Variants in ZBTB20 observed in about 807,000 individuals in gnomAD.
The protein encoded by ZBTB20 is zinc finger and BTB domain-containing protein 20.
In ZBTB20, 9 loss-of-function variants were observed where a neutral mutation model predicts 56.9. The ratio of observed to expected loss-of-function variants is 0.16; its 90% CI spans 0.10 to 0.28. The LOEUF (loss-of-function observed/expected upper bound fraction) is 0.28, where lower values mean the gene tolerates loss of function less well. Among genes scored for constraint, ZBTB20 ranks in the 10% least tolerant of loss-of-function variants. The pLI, the probability that ZBTB20 is intolerant of heterozygous loss-of-function variation, is 1.00. For synonymous variants in ZBTB20, 417 were observed against 420.7 expected (o/e 0.99, Z 0.11); for missense variants, 655 against 1,003.0 (o/e 0.65, Z 4.69).
At chr3:114,917,994 T>C (rs1486289126) in intron 3 of ZBTB20, among the ~76,000 whole-genome samples, 1 of 152,136 alleles carries the variant, frequency 6.6e-6, no homozygotes, top group Non-Finnish European at 1.5e-5. Context: ...CCCAGATGGT[T>C]CCAGAGAGGC....
At chr3:114,544,445 CTTTCTTTCTTTCT>C (rs2049547018) in intron 6 of ZBTB20, among the ~76,000 whole-genome samples, 1 of 106,174 alleles carries the variant, frequency 9.4e-6, no homozygotes, top group Non-Finnish European at 2.0e-5. Flanking sequence ...TTCTTTCTTT[CTTTCTTTCTTTCT>C]TTCTTTCTTT....
intron 11 of ZBTB20, among the ~76,000 whole-genome samples, chr3:114,344,627 C>A (rs1037880167): frequency 3.9e-5 from 6 of 152,202 alleles, no homozygotes; most frequent in Non-Finnish European, 8.8e-5. Flanking sequence ...AGTTACAGAA[C>A]TTAGCCAAAG....
chr3:114,758,486 C>G (rs557320321), intron 5 of ZBTB20, among the ~76,000 whole-genome samples: 1 of 152,188 alleles, frequency 6.6e-6, no homozygotes, highest in East Asian at 1.9e-4. Flanking sequence ...ACAGTGTTTA[C>G]TTTTAAAAAT....
intron 1 of ZBTB20, among the ~76,000 whole-genome samples, chr3:115,119,206 T>C (rs1342371385): frequency 6.6e-6 from 1 of 152,174 alleles, no homozygotes; most frequent in African/African-American, 2.4e-5. Context: ...TGTTTCTTAC[T>C]AATTAGAAAG....
At chr3:114,970,340 G>A (rs1412514766) in intron 3 of ZBTB20, among the ~76,000 whole-genome samples, 1 of 152,078 alleles carries the variant, frequency 6.6e-6, no homozygotes, top group Non-Finnish European at 1.5e-5. Flanking sequence ...CTTCATTAGA[G>A]GAATAAAAAA....
At chr3:114,517,113 C>T (rs2046092279) in intron 6 of ZBTB20, among the ~76,000 whole-genome samples, 1 of 152,208 alleles carries the variant, frequency 6.6e-6, no homozygotes, top group Admixed American at 6.5e-5. Flanking sequence ...CACGTTACTG[C>T]ATTTTTTGTT....
At chr3:114,822,393 AT>A (rs34666619) in intron 4 of ZBTB20, among the ~76,000 whole-genome samples, 101,847 of 151,944 alleles carry the variant, frequency 0.67, 39,424 homozygotes, top group East Asian at 0.96. Flanking sequence ...CAATTAGGTC[AT>A]TAAAAAAACA....
At chr3:114,612,338 C>G (rs1024489594) in intron 6 of ZBTB20, among the ~76,000 whole-genome samples, 44 of 152,120 alleles carry the variant, frequency 2.9e-4, no homozygotes, top group African/African-American at 1.1e-3. Context: ...GATCTAATTA[C>G]TAGTCTCTGC....
intron 5 of ZBTB20, among the ~76,000 whole-genome samples, chr3:114,764,851 C>T (rs1032711896): frequency 6.6e-6 from 1 of 152,082 alleles, no homozygotes; most frequent in Non-Finnish European, 1.5e-5. Context: ...AAATAGAGCC[C>T]TTGGGAAATG....
intron 6 of ZBTB20, among the ~76,000 whole-genome samples, chr3:114,664,604 AACACACACACAC>A (rs377253945): frequency 6.7e-6 from 1 of 149,124 alleles, no homozygotes; most frequent in South Asian, 2.1e-4. Flanking sequence ...CCACCTCCCC[AACACACACACAC>A]ACACACACAC....
rs1183839992 is a variant in ZBTB20 at position 114,323,193 on chromosome 3, A to T, written c.*15812T>A. The T allele has an allele frequency of 6.6e-6, 1 of 152,248 alleles. No homozygotes were observed. Among genetic ancestry groups the T allele is most frequent in the Non-Finnish European group, 1.5e-5 (1 of 68,050 alleles). 9.4% of individuals were successfully genotyped at this position (152,248 alleles called of 1,614,324 possible). On this transcript the variant is annotated 3_prime_UTR_variant, in exon 12 of 12. Transcript: ENST00000675478. ...GATAATAAAAATAAATTTAACAAAG[A>T]AAAGTTAGGAAAAAACCAATTTCAA...
intron 7 of ZBTB20, among the ~76,000 whole-genome samples, chr3:114,391,982 A>G (rs1196943719): frequency 1.1e-4 from 17 of 152,238 alleles, no homozygotes; most frequent in Admixed American, 1.1e-3. Flanking sequence ...GTGTTCCAAA[A>G]TATAACAAAT....
chr3:114,381,023 C>A (rs1017642924), intron 8 of ZBTB20, 83 bp from the exon 9 acceptor site: 2 of 325,810 alleles, frequency 6.1e-6, no homozygotes, highest in Non-Finnish European at 5.6e-6. Flanking sequence ...CATTAAGGAA[C>A]ATTCAACTTT....
intron 6 of ZBTB20, among the ~76,000 whole-genome samples, chr3:114,535,785 TTA>T (rs2048392717): frequency 6.6e-6 from 1 of 152,190 alleles, no homozygotes; most frequent in Non-Finnish European, 1.5e-5. Flanking sequence ...AGCAAAAAGC[TTA>T]TCCACCACGA....
At position 114,887,926 on chromosome 3, in the gene ZBTB20, G is replaced by T. The variant is rs117338840; in HGVS notation, c.-417+12378C>A. 3.9e-5 allele frequency among the ~76,000 whole-genome samples: 6 copies of T among 152,128 alleles called. No individual in the cohort carries two copies. In the East Asian group the frequency reaches 1.2e-3, roughly 29 times the overall value. On this transcript the variant is annotated intron_variant, in intron 4 of 11. Coordinates refer to ENST00000675478, the MANE Select transcript of ZBTB20 (RefSeq NM_001348800.3). ...AATCAATGAGAAAACTTAAGAGGTT[G>T]CAGTGATGGTTTCTGGTAGTAGTAA... is the stretch of plus-strand genomic sequence containing the variant.
intron 6 of ZBTB20, among the ~76,000 whole-genome samples, chr3:114,667,122 T>G (rs1272533544): frequency 6.6e-6 from 1 of 152,030 alleles, no homozygotes; most frequent in Non-Finnish European, 1.5e-5. Flanking sequence ...TGCAATTTCT[T>G]TGAATTTCTG....
intron 6 of ZBTB20, among the ~76,000 whole-genome samples, chr3:114,543,602 T>A (rs182033201): frequency 1.3e-5 from 2 of 152,196 alleles, no homozygotes; most frequent in Non-Finnish European, 2.9e-5. Context: ...TTGGCTACTA[T>A]AAACTCTATT....
intron 6 of ZBTB20, among the ~76,000 whole-genome samples, chr3:114,605,977 G>C (rs1312207998): frequency 6.6e-6 from 1 of 152,156 alleles, no homozygotes; most frequent in East Asian, 1.9e-4. Flanking sequence ...CTTTAGATAA[G>C]GTGATAAGGG....
chr3:115,059,935 T>C (rs1560535628), intron 2 of ZBTB20, among the ~76,000 whole-genome samples: 1 of 152,198 alleles, frequency 6.6e-6, no homozygotes, highest in African/African-American at 2.4e-5. Flanking sequence ...TGAAATAAAA[T>C]ACAGGAATTG....
Sources: gnomAD v4.1 joint callset for allele counts (sites outside exome capture counted in the v4.1 genomes callset) on GRCh38, gnomAD v4.1.1 for gene constraint, MANE v1.5 for transcripts, NCBI Gene and HGNC (gene_info 2026-07-23, HGNC 2026-07-21) for gene names.